The following L3MBTL4 variants were observed in gnomAD, a reference collection of about 807,000 sequenced individuals.
The protein encoded by L3MBTL4 is lethal(3)malignant brain tumor-like protein 4.
Under a neutral mutation model 84.5 loss-of-function variants are expected in L3MBTL4, and 70 were observed. The ratio of observed to expected loss-of-function variants is 0.83; its 90% CI spans 0.68 to 1.01. The LOEUF (loss-of-function observed/expected upper bound fraction) is 1.01, where lower values mean the gene tolerates loss of function less well. Ranked by LOEUF, L3MBTL4 falls within the 50% of genes least tolerant of loss-of-function variation. The pLI, the probability that L3MBTL4 is intolerant of heterozygous loss-of-function variation, is 0.00. For synonymous variants in L3MBTL4, 274 were observed against 259.8 expected (o/e 1.05, Z -0.52); for missense variants, 715 against 754.8 (o/e 0.95, Z 0.62).
chr18:5,965,485 T>C (rs1433327095), intron 17 of L3MBTL4, among the ~76,000 whole-genome samples: 1 of 152,146 alleles, frequency 6.6e-6, no homozygotes, highest in Non-Finnish European at 1.5e-5. Context: ...AAACACCCAG[T>C]GCTGACAAAG....
intron 4 of L3MBTL4, among the ~76,000 whole-genome samples, chr18:6,295,507 G>T (rs370229968): frequency 2.0e-5 from 3 of 151,840 alleles, no homozygotes; most frequent in South Asian, 4.2e-4. Context: ...TTCCCAGCAC[G>T]AATTCACCCA....
intron 16 of L3MBTL4, among the ~76,000 whole-genome samples, chr18:6,053,450 C>A (rs1188619072): frequency 6.6e-6 from 1 of 152,164 alleles, no homozygotes; most frequent in Non-Finnish European, 1.5e-5. Flanking sequence ...GGCCCTCATG[C>A]ACATTTGTCT....
At chr18:5,996,592 A>G (rs1490364791) in intron 16 of L3MBTL4, among the ~76,000 whole-genome samples, 4 of 152,168 alleles carry the variant, frequency 2.6e-5, no homozygotes, top group Non-Finnish European at 4.4e-5. Context: ...TCTCTCCATC[A>G]TCATCCCTAA....
intron 16 of L3MBTL4, among the ~76,000 whole-genome samples, chr18:6,015,569 C>G (rs2054928540): frequency 6.6e-6 from 1 of 152,138 alleles, no homozygotes; most frequent in South Asian, 2.1e-4. Context: ...TGACTACCAT[C>G]TCCAAATATT....
intron 9 of L3MBTL4, among the ~76,000 whole-genome samples, chr18:6,238,366 CA>C (rs2047305708): frequency 6.6e-6 from 1 of 151,874 alleles, no homozygotes; most frequent in Admixed American, 6.6e-5. Flanking sequence ...ACCCCGTCTC[CA>C]CTAAAAATAC....
At chr18:6,385,356 T>A (rs967347154) in intron 1 of L3MBTL4, among the ~76,000 whole-genome samples, 3 of 152,314 alleles carry the variant, frequency 2.0e-5, no homozygotes, top group African/African-American at 7.2e-5. Context: ...GGGCTGTGAC[T>A]GCACCACTGC....
chr18:6,129,610 G>A (rs1009231174), intron 14 of L3MBTL4, among the ~76,000 whole-genome samples: 14 of 152,072 alleles, frequency 9.2e-5, no homozygotes, highest in Admixed American at 3.3e-4. Context: ...ATTATACTAA[G>A]TCTAGATTTT....
intron 16 of L3MBTL4, chr18:6,032,285 A>C: frequency 9.7e-6 from 1 of 103,172 alleles, no homozygotes; most frequent in Non-Finnish European, 1.3e-5. Context: ...CCTTAAATTA[A>C]AAAAAAAAAA....
intron 15 of L3MBTL4, among the ~76,000 whole-genome samples, chr18:6,092,886 C>G (rs748887463): frequency 1.3e-5 from 2 of 152,140 alleles, no homozygotes; most frequent in Non-Finnish European, 1.5e-5. Context: ...AAAATGGAAA[C>G]TATTCTGTGT....
Position 6,311,668 on chromosome 18 carries a change from G to C in L3MBTL4, c.-31-12C>G, listed in dbSNP as rs770389776. 6.5e-7 allele frequency: 1 copy of C among 1,528,464 alleles called. No individual in the cohort carries two copies. Among genetic ancestry groups the C allele is most frequent in the African/African-American group, 1.4e-5 (1 of 73,254 alleles). The allele number at this position is 1,528,464 out of a possible 1,614,324, so 94.7% of individuals were successfully genotyped here. ...TTGGCAGTGGTTTTCTGTAAAACAG[G>C]GTTACATAAGAAGTTGGGGATGGGG... On this transcript the variant is annotated splice_polypyrimidine_tract_variant and intron_variant, in intron 2 of 18. Coordinates refer to ENST00000317931, the MANE Select transcript of L3MBTL4 (RefSeq NM_001330559.2).
chr18:6,331,713 T>C (rs1039753217), intron 1 of L3MBTL4, among the ~76,000 whole-genome samples: 1 of 151,672 alleles, frequency 6.6e-6, no homozygotes, highest in African/African-American at 2.4e-5. Flanking sequence ...AAAGAGCAAA[T>C]GTGAAAAAGA....
chr18:6,317,483 C>A (rs1321873330), intron 1 of L3MBTL4, among the ~76,000 whole-genome samples: 1 of 151,924 alleles, frequency 6.6e-6, no homozygotes, highest in Admixed American at 6.6e-5. Flanking sequence ...TAACAACAGA[C>A]CTGATCAAGT....
At chr18:6,237,919 C>T (rs2047283294) in intron 10 of L3MBTL4, 45 bp downstream of exon 10, 2 of 1,445,620 alleles carry the variant, frequency 1.4e-6, no homozygotes, top group African/African-American at 2.8e-5. Flanking sequence ...AGGACTGCCA[C>T]TCACACAGAG....
intron 13 of L3MBTL4, among the ~76,000 whole-genome samples, chr18:6,140,000 C>T (rs1234276861): frequency 1.3e-5 from 2 of 152,184 alleles, no homozygotes; most frequent in African/African-American, 4.8e-5. Flanking sequence ...GCCACTCTGC[C>T]ACCCCAGCAC....
rs73938747 is a variant in L3MBTL4, at chr18:6,124,667, T to A, written c.1199+13527A>T. ...TGCATTTTCTAATATGCAAAGATTT[T>A]AAATGTAATATGCAGGCACCTAGAC... On this transcript the variant is annotated intron_variant, in intron 14 of 18. Coordinates refer to ENST00000317931, the MANE Select transcript of L3MBTL4 (RefSeq NM_001330559.2). 7.7e-3 allele frequency among the ~76,000 whole-genome samples: 1,170 copies of A among 152,202 alleles called. 18 individuals are homozygous for A. The highest frequency in any genetic ancestry group is 0.027 in the African/African-American group (1,116 of 41,542).
chr18:6,006,132 C>A (rs1408229057), intron 16 of L3MBTL4, among the ~76,000 whole-genome samples: 1 of 152,140 alleles, frequency 6.6e-6, no homozygotes, highest in African/African-American at 2.4e-5. Context: ...CTGTTTTAAA[C>A]ATGCACAAAC....
chr18:6,030,019 C>G (rs2055709054), intron 16 of L3MBTL4: 5 of 985,460 alleles, frequency 5.1e-6, no homozygotes, highest in Non-Finnish European at 6.0e-6. Context: ...TGGGCAGGGA[C>G]TGGTCACTTA....
intron 17 of L3MBTL4, among the ~76,000 whole-genome samples, chr18:5,961,043 T>G (rs1190132672): frequency 6.6e-6 from 1 of 152,236 alleles, no homozygotes; most frequent in Non-Finnish European, 1.5e-5. Context: ...GCAGGCTGAA[T>G]GAAGTGCAAC....
intron 16 of L3MBTL4, among the ~76,000 whole-genome samples, chr18:5,973,070 G>A (rs1001934420): frequency 6.6e-6 from 1 of 152,190 alleles, no homozygotes; most frequent in East Asian, 1.9e-4. Flanking sequence ...TTATGTTACT[G>A]TTACAAGTTA....
Sources: allele counts gnomAD v4.1 joint callset (sites outside exome capture counted in the v4.1 genomes callset), GRCh38; gene constraint gnomAD v4.1.1; transcripts MANE v1.5; gene names NCBI Gene and HGNC (gene_info 2026-07-23, HGNC 2026-07-21).